Variants in ARL5A observed in about 807,000 individuals in gnomAD.
ARL5A encodes the protein ADP-ribosylation factor-like protein 5A.
ARL5A carries 18 observed loss-of-function variants against 25.9 expected under a neutral mutation model. The ratio of observed to expected loss-of-function variants is 0.69; its 90% CI spans 0.48 to 1.03. The LOEUF (loss-of-function observed/expected upper bound fraction) is 1.03. Ranked by LOEUF, ARL5A falls within the 50% of genes least tolerant of loss-of-function variation. The pLI, the probability that ARL5A is intolerant of heterozygous loss-of-function variation, is 0.00. For synonymous variants in ARL5A, 61 were observed against 67.5 expected, an observed-to-expected ratio of 0.90 and a Z score of 0.47; for missense variants, 170 against 211.9, an observed-to-expected ratio of 0.80 and a Z score of 1.23.
intron 1 of ARL5A, among the ~76,000 whole-genome samples, chr2:151,825,418 G>T (rs183813731): frequency 9.2e-5 from 14 of 152,152 alleles, no homozygotes; most frequent in African/African-American, 2.7e-4. Flanking sequence ...TTCCACTTAA[G>T]CCTCAGTTTT....
rs936237401 is a variant in ARL5A, at chr2:151,801,955, C to A, written c.*1321G>T. ...GACTTTCAGACACTGAAAAAATATA[C>A]CCTAAGCAAACATAAAAGGTGTTTT... On this transcript the variant is annotated 3_prime_UTR_variant, in exon 6 of 6. Coordinates refer to ENST00000295087, the MANE Select transcript of ARL5A (RefSeq NM_012097.4). 6.6e-6 allele frequency: 1 copy of A among 151,958 alleles called. No homozygotes were observed. The highest frequency in any genetic ancestry group is 2.4e-5 in the African/African-American group (1 of 41,394). The allele number at this position is 151,958 out of a possible 1,614,324, so 9.4% of individuals were successfully genotyped here.
intron 1 of ARL5A, among the ~76,000 whole-genome samples, chr2:151,821,640 T>C (rs1353536503): frequency 1.3e-5 from 2 of 152,226 alleles, no homozygotes; most frequent in African/African-American, 4.8e-5. Context: ...GCAGTCTCGC[T>C]GTTGCCCAGG....
chr2:151,826,899 T>C (rs535480562), intron 1 of ARL5A, among the ~76,000 whole-genome samples: 47 of 152,050 alleles, frequency 3.1e-4, no homozygotes, highest in African/African-American at 1.1e-3. Flanking sequence ...GATACTGCCC[T>C]TTCTTTCGGT....
At chr2:151,814,428 T>G in intron 2 of ARL5A, 112 bp from the exon 3 acceptor site, 1 of 852,172 alleles carries the variant, frequency 1.2e-6, no homozygotes, top group Non-Finnish European at 1.8e-6. Context: ...TATACCTAAA[T>G]ATCTTTTTCC....
chr2:151,827,806 G>T, intron 1 of ARL5A: 1 of 365,710 alleles, frequency 2.7e-6, no homozygotes, highest in South Asian at 3.1e-5. Context: ...AGGGCTGAAA[G>T]ACAGGCCAGG....
At chr2:151,808,187 C>T (rs968498923) in intron 4 of ARL5A, among the ~76,000 whole-genome samples, 1 of 152,162 alleles carries the variant, frequency 6.6e-6, no homozygotes, top group Admixed American at 6.5e-5. Context: ...GCAAGTGAAA[C>T]CCTCATAAAA....
chr2:151,823,060 A>G (rs1010360565), intron 1 of ARL5A, among the ~76,000 whole-genome samples: 2 of 152,230 alleles, frequency 1.3e-5, no homozygotes, highest in Admixed American at 6.5e-5. Context: ...ACACCAGGGC[A>G]AATAAATGGA....
chr2:151,821,850 T>C (rs963625003), intron 1 of ARL5A, among the ~76,000 whole-genome samples: 1 of 150,268 alleles, frequency 6.7e-6, no homozygotes, highest in East Asian at 1.9e-4. Flanking sequence ...TTTTAATTTA[T>C]TTATATTTAT....
At chr2:151,823,410 T>G (rs2099832619) in intron 1 of ARL5A, among the ~76,000 whole-genome samples, 1 of 152,200 alleles carries the variant, frequency 6.6e-6, no homozygotes, top group South Asian at 2.1e-4. Context: ...TAACCAAATT[T>G]TCTTTTGCAC....
At chr2:151,810,405 T>C in intron 4 of ARL5A, 1 of 244,748 alleles carries the variant, frequency 4.1e-6, no homozygotes, top group Non-Finnish European at 8.5e-6. Context: ...TCCATTTGTC[T>C]CTCTGCAGAA....
At chr2:151,822,541 T>C (rs2099832484) in intron 1 of ARL5A, among the ~76,000 whole-genome samples, 1 of 152,236 alleles carries the variant, frequency 6.6e-6, no homozygotes, top group African/African-American at 2.4e-5. Flanking sequence ...GAAAAGCATC[T>C]ATACAAAATG....
At chr2:151,806,490 A>G (rs551795265) in intron 5 of ARL5A, among the ~76,000 whole-genome samples, 8 of 152,292 alleles carry the variant, frequency 5.3e-5, no homozygotes, top group African/African-American at 1.9e-4. Context: ...TGCTCGGCAC[A>G]TGTCAGGTCT....
chr2:151,825,799 T>C (rs958420165), intron 1 of ARL5A, among the ~76,000 whole-genome samples: 2 of 151,298 alleles, frequency 1.3e-5, no homozygotes, highest in Non-Finnish European at 1.5e-5. Context: ...CCAACACATA[T>C]CTAACTTATA....
intron 5 of ARL5A, 99 bp downstream of exon 5, chr2:151,806,722 T>C: frequency 7.9e-7 from 1 of 1,266,448 alleles, no homozygotes; most frequent in Non-Finnish European, 1.1e-6. Context: ...TTACGATGTT[T>C]TATACACAAT....
chr2:151,817,466 A>G (rs557983953), intron 1 of ARL5A, among the ~76,000 whole-genome samples: 16 of 152,372 alleles, frequency 1.1e-4, no homozygotes, highest in Admixed American at 2.0e-4. Flanking sequence ...TAAGATCTTT[A>G]TAATTCAAAT....
At chr2:151,826,161 CATTAG>C (rs531113671) in intron 1 of ARL5A, among the ~76,000 whole-genome samples, 4 of 152,216 alleles carry the variant, frequency 2.6e-5, no homozygotes, top group African/African-American at 9.6e-5. Context: ...AAATATCTGG[CATTAG>C]ATTAAATGGT....
In ARL5A at chr2:151,806,808, G is replaced by A; in HGVS notation, c.491+13C>T. 1 of 1,589,724 alleles carries A rather than the reference G, an allele frequency of 6.3e-7. No individual in the cohort carries two copies. The highest frequency in any genetic ancestry group is 1.2e-5 in the South Asian group (1 of 86,370). ...ATAAATGTTCGATAACATTTAAGAG[G>A]AAGATGTCTTACCCCTCGCCAGTTA... On this transcript the variant is annotated intron_variant, in intron 5 of 5. Coordinates refer to ENST00000295087, the MANE Select transcript of ARL5A (RefSeq NM_012097.4).
intron 5 of ARL5A, 45 bp from the exon 6 acceptor site, chr2:151,803,369 GCTATGAGCAGCAAA>G: frequency 7.2e-7 from 1 of 1,392,382 alleles, no homozygotes; most frequent in South Asian, 1.2e-5. Flanking sequence ...GAACTAAGAA[GCTATGAGCAGCAAA>G]CTATGAACAG....
At chr2:151,815,438 T>C (rs2099831371) in intron 1 of ARL5A, among the ~76,000 whole-genome samples, 1 of 152,158 alleles carries the variant, frequency 6.6e-6, no homozygotes, top group South Asian at 2.1e-4. Flanking sequence ...CAACCACCTC[T>C]CTAGGAAGCC....
Sources: allele counts gnomAD v4.1 joint callset (sites outside exome capture counted in the v4.1 genomes callset), GRCh38; gene constraint gnomAD v4.1.1; transcripts MANE v1.5; gene names NCBI Gene and HGNC (gene_info 2026-07-23, HGNC 2026-07-21).